The following GRIK4 variants were observed in gnomAD, a reference collection of about 807,000 sequenced individuals.
GRIK4 encodes the protein glutamate receptor ionotropic, kainate 4.
In GRIK4, 40 loss-of-function variants were observed where a neutral mutation model predicts 104.9. The ratio of observed to expected loss-of-function variants is 0.38; its 90% confidence interval spans 0.30 to 0.50. The LOEUF (loss-of-function observed/expected upper bound fraction) is 0.50. Among genes scored for constraint, GRIK4 ranks in the 20% least tolerant of loss-of-function variants. The pLI, the probability that GRIK4 is intolerant of heterozygous loss-of-function variation, is 0.93. For missense variants in GRIK4, 1,047 were observed against 1,308.1 expected (o/e 0.80, Z 3.08); for synonymous variants, 485 against 524.9 (o/e 0.92, Z 1.04).
chr11:120,753,018 T>A (rs915430421), intron 3 of GRIK4, among the ~76,000 whole-genome samples: 1 of 152,130 alleles, frequency 6.6e-6, no homozygotes, highest in African/African-American at 2.4e-5. Flanking sequence ...AAGGAAGTGG[T>A]CCTGAGGGAA....
At chr11:120,633,592 A>G (rs1427310338) in intron 1 of GRIK4, among the ~76,000 whole-genome samples, 1 of 152,226 alleles carries the variant, frequency 6.6e-6, no homozygotes, top group Non-Finnish European at 1.5e-5. Flanking sequence ...TTGTTTATTA[A>G]TAAAGATAAA....
At chr11:120,802,974 G>A in intron 4 of GRIK4, 117 bp downstream of exon 4, 1 of 877,810 alleles carries the variant, frequency 1.1e-6, no homozygotes, top group Non-Finnish European at 1.8e-6. Flanking sequence ...GATATTTCCA[G>A]AGGAAGGAGA....
At chr11:120,796,887 CA>C (rs1398846166) in intron 3 of GRIK4, among the ~76,000 whole-genome samples, 2 of 151,754 alleles carry the variant, frequency 1.3e-5, no homozygotes, top group African/African-American at 2.4e-5. Flanking sequence ...GAAGGCGCTG[CA>C]GGGGGGAGGA....
chr11:120,916,155 T>G (rs1391304750), intron 13 of GRIK4, among the ~76,000 whole-genome samples: 1 of 152,178 alleles, frequency 6.6e-6, no homozygotes, highest in African/African-American at 2.4e-5. Context: ...TCCTCAACCC[T>G]CTTATCTGGA....
Position 120,967,060 on chromosome 11 carries a change from C to T in GRIK4, c.2267-135C>T. 1.0e-6 allele frequency: 1 copy of T among 958,912 alleles called. No homozygotes were observed. The highest frequency in any genetic ancestry group is 1.5e-6 in the Non-Finnish European group (1 of 650,882). 59.4% of individuals were successfully genotyped at this position (958,912 alleles called of 1,614,324 possible). ...GCACTGGCCCCATGGGCTCGCCCCA[C>T]CCGCTGCATCTGTCTGTCCCCTCTC... On this transcript the variant is annotated intron_variant, in intron 18 of 20. Coordinates refer to ENST00000527524, the MANE Select transcript of GRIK4 (RefSeq NM_014619.5). This position sits in a 1 kb window ranked among gnomAD's most constrained non-coding sequence, Gnocchi z 4.2.
chr11:120,658,722 C>T (rs1039460340), intron 2 of GRIK4, among the ~76,000 whole-genome samples: 2 of 109,256 alleles, frequency 1.8e-5, no homozygotes, highest in Non-Finnish European at 3.7e-5. Flanking sequence ...GGTTGGAGGA[C>T]GAAACTTTTT....
chr11:120,933,355 T>G (rs1943521177), intron 13 of GRIK4, among the ~76,000 whole-genome samples: 1 of 152,202 alleles, frequency 6.6e-6, no homozygotes, highest in Non-Finnish European at 1.5e-5. Flanking sequence ...AGCAGCAGCA[T>G]CATTGTCATC....
At chr11:120,526,312 C>G (rs1413028836) in intron 1 of GRIK4, among the ~76,000 whole-genome samples, 2 of 152,124 alleles carry the variant, frequency 1.3e-5, no homozygotes, top group Non-Finnish European at 2.9e-5. Flanking sequence ...CTGGCACCCG[C>G]CCTCTCACCC....
intron 3 of GRIK4, among the ~76,000 whole-genome samples, chr11:120,678,615 G>A (rs1303130911): frequency 8.1e-6 from 1 of 123,894 alleles, no homozygotes; most frequent in African/African-American, 2.8e-5. Flanking sequence ...GGCTCCACTA[G>A]AAGGGTTTTT....
At chr11:120,547,598 T>C (rs1305054639) in intron 1 of GRIK4, among the ~76,000 whole-genome samples, 2 of 152,124 alleles carry the variant, frequency 1.3e-5, no homozygotes, top group African/African-American at 4.8e-5. Flanking sequence ...TCAGGGATTT[T>C]TTTTTTTTGT....
Position 120,669,930 on chromosome 11 carries a change from G to A in GRIK4, c.82+9530G>A, listed in dbSNP as rs78975068. On this transcript the variant is annotated intron_variant, in intron 3 of 20. Transcript: ENST00000527524. ...ACTCCAGATTCATCCCCACTGGGATGTCTAACAGAAACTCAGATTTGCCAT... is the reference window on the plus strand; with the variant it reads ...ACTCCAGATTCATCCCCACTGGGATATCTAACAGAAACTCAGATTTGCCAT... Among the ~76,000 whole-genome samples the A allele has an allele frequency of 4.6e-3, 696 of 152,316 alleles. 3 individuals are homozygous for A. Among genetic ancestry groups the A allele is most frequent in the African/African-American group, 0.016 (660 of 41,580 alleles).
At chr11:120,530,732 T>C (rs1480328015) in intron 1 of GRIK4, among the ~76,000 whole-genome samples, 3 of 152,096 alleles carry the variant, frequency 2.0e-5, no homozygotes, top group Admixed American at 2.0e-4. Flanking sequence ...TCTAAGTCTC[T>C]GAAAAACCAA....
At chr11:120,807,238 T>C (rs971603038) in intron 4 of GRIK4, among the ~76,000 whole-genome samples, 19 of 152,186 alleles carry the variant, frequency 1.2e-4, no homozygotes, top group Admixed American at 5.2e-4. Context: ...TCTGTTCCTA[T>C]AGATCAGCGT....
chr11:120,761,830 C>T (rs1951754507), intron 3 of GRIK4, among the ~76,000 whole-genome samples: 1 of 152,158 alleles, frequency 6.6e-6, no homozygotes, highest in South Asian at 2.1e-4. Context: ...GTACCAGTAC[C>T]ATGCTATTTT....
At position 120,620,179 on chromosome 11, in the gene GRIK4, A is replaced by G. The variant is rs1440724588; in HGVS notation, c.-158-33506A>G. ...TGTTAATGCATGTTCTCTTTTTACA[A>G]TAAATTCATGACCATCAGATGATAT... is the stretch of plus-strand genomic sequence containing the variant. On this transcript the variant is annotated intron_variant, in intron 1 of 20. Coordinates refer to ENST00000527524, the MANE Select transcript of GRIK4 (RefSeq NM_014619.5). The G allele has an allele frequency of 2.5e-5, 21 of 828,090 alleles. 1 individual carries two copies. The highest frequency in any genetic ancestry group is 1.2e-4 in the South Asian group (9 of 75,286). The allele number at this position is 828,090 out of a possible 1,614,324, so 51.3% of individuals were successfully genotyped here.
chr11:120,526,418 G>C (rs534062622), intron 1 of GRIK4, among the ~76,000 whole-genome samples: 310 of 152,244 alleles, frequency 2.0e-3, no homozygotes, highest in Non-Finnish European at 2.6e-3. Context: ...GCCCCGGCTT[G>C]AACTTCTGGG....
intron 1 of GRIK4, among the ~76,000 whole-genome samples, chr11:120,587,254 C>T (rs778439904): frequency 5.3e-5 from 8 of 151,886 alleles, no homozygotes; most frequent in East Asian, 3.9e-4. Context: ...ATAACGACAC[C>T]GACAATCGGG....
In GRIK4 at chr11:120,761,926, A is replaced by C. The variant is rs117940660; in HGVS notation, c.83-40767A>C. On this transcript the variant is annotated intron_variant, in intron 3 of 20. Coordinates refer to ENST00000527524, the MANE Select transcript of GRIK4 (RefSeq NM_014619.5). ...CTTTTTGCATAGGATTGCCTTGGCT[A>C]TACGGACTCTTTTTTGCTTTCATAT... 3.6e-3 allele frequency among the ~76,000 whole-genome samples: 546 copies of C among 152,312 alleles called. 11 individuals are homozygous for C. The East Asian group carries it at 0.064, about 18-fold the overall frequency.
intron 8 of GRIK4, among the ~76,000 whole-genome samples, chr11:120,843,008 T>C (rs1953755529): frequency 6.6e-6 from 1 of 152,264 alleles, no homozygotes; most frequent in Non-Finnish European, 1.5e-5. Context: ...TAATCTATTA[T>C]CAGAGAGCAT....
Sources: allele counts gnomAD v4.1 joint callset (sites outside exome capture counted in the v4.1 genomes callset), GRCh38; gene constraint gnomAD v4.1.1; non-coding constraint Gnocchi (gnomAD v3.1); transcripts MANE v1.5; gene names NCBI Gene and HGNC (gene_info 2026-07-23, HGNC 2026-07-21).